CCNT2: variants seen among roughly 807,000 people sequenced by gnomAD.
The protein encoded by CCNT2 is cyclin-T2.
Under a neutral mutation model 70.0 loss-of-function variants are expected in CCNT2, and 18 were observed. That is an observed-to-expected ratio of 0.26 (90% confidence interval 0.18 to 0.38). The LOEUF (loss-of-function observed/expected upper bound fraction) is 0.38, where lower values mean the gene tolerates loss of function less well. CCNT2 is among the 10% of genes least tolerant of loss of function. The pLI is 1.00. For synonymous variants in CCNT2, 334 were observed against 313.3 expected (o/e 1.07, Z -0.70); for missense variants, 734 against 890.2 (o/e 0.82, Z 2.23).
chr2:134,953,793 A>G lies in CCNT2; in HGVS notation c.1338A>G (p.Glu446=), dbSNP rs1159023809. 2 of 1,614,010 alleles carry G rather than the reference A, an allele frequency of 1.2e-6. No homozygotes were observed. Among genetic ancestry groups the G allele is most frequent in the South Asian group, 1.1e-5 (1 of 91,076 alleles). Residue 446 remains glutamate, a synonymous_variant, in exon 9 of 9, where the codon GAA becomes GAG. Coordinates refer to ENST00000264157, the MANE Select transcript of CCNT2 (RefSeq NM_058241.3). The part of the protein sequence containing the change: ...LDKYREKRKL[E]TLDLDVRDHY... ...AATATAGAGAAAAGCGTAAACTAGAAACTCTTGATCTCGATGTAAGGGATC... is the reference window on the plus strand; with the variant it reads ...AATATAGAGAAAAGCGTAAACTAGAGACTCTTGATCTCGATGTAAGGGATC...
rs1162675099 is a variant in CCNT2, at chr2:134,957,662, C to T, written c.*3014C>T. The T allele has an allele frequency of 6.6e-6, 1 of 152,148 alleles. No homozygotes were observed. The highest frequency in any genetic ancestry group is 1.5e-5 in the Non-Finnish European group (1 of 68,030). 9.4% of individuals were successfully genotyped at this position (152,148 alleles called of 1,614,324 possible). ...GCGGCAGTATCCGGTAGTGGTAAAA[C>T]CTCACAGTTTCCTAATTGCAGGTAT... On this transcript the variant is annotated 3_prime_UTR_variant, in exon 9 of 9. Coordinates refer to ENST00000264157, the MANE Select transcript of CCNT2 (RefSeq NM_058241.3).
At chr2:134,948,055 C>T (rs1682127775) in intron 7 of CCNT2, among the ~76,000 whole-genome samples, 156 bp downstream of exon 7, 1 of 152,154 alleles carries the variant, frequency 6.6e-6, no homozygotes. Flanking sequence ...AAGCTGTGCT[C>T]ATACCTGTAA....
chr2:134,939,392 A>G lies in CCNT2; in HGVS notation c.430+330A>G, dbSNP rs1223024410. Among the ~76,000 whole-genome samples, 3 of 152,180 alleles carry G rather than the reference A, an allele frequency of 2.0e-5. No homozygotes were observed. In the East Asian group the frequency reaches 5.8e-4, roughly 29 times the overall value. On this transcript the variant is annotated intron_variant, in intron 4 of 8. Transcript: ENST00000264157. ...ATGATTATGATGTATACAAACCTAC[A>G]CAGCAATCCTTATTCTCCTCGAGCT...
intron 8 of CCNT2, chr2:134,952,958 A>C: frequency 4.2e-6 from 2 of 481,492 alleles, no homozygotes; most frequent in Middle Eastern, 5.4e-4. Flanking sequence ...ACAAATGGGG[A>C]AACTGAAGCC....
intron 2 of CCNT2, among the ~76,000 whole-genome samples, chr2:134,928,127 C>T (rs1387802107): frequency 6.6e-6 from 1 of 152,066 alleles, no homozygotes; most frequent in African/African-American, 2.4e-5. Context: ...TGTGCCACCA[C>T]ACCTGGCTAA....
chr2:134,955,134 A>G lies in CCNT2; in HGVS notation c.*486A>G, dbSNP rs992154233. Reference sequence around the variant, plus strand: ...AGAAAGTGGAGAAAAATGTACATACATTTTTGTATGTTTAGATATTACCGT... The same window carrying G: ...AGAAAGTGGAGAAAAATGTACATACGTTTTTGTATGTTTAGATATTACCGT... On this transcript the variant is annotated 3_prime_UTR_variant, in exon 9 of 9. Coordinates refer to ENST00000264157, the MANE Select transcript of CCNT2 (RefSeq NM_058241.3). The G allele has an allele frequency of 1.9e-5, 3 of 156,756 alleles. No homozygotes were observed. The highest frequency in any genetic ancestry group is 7.2e-5 in the African/African-American group (3 of 41,466). The allele number at this position is 156,756 out of a possible 1,614,324, so 9.7% of individuals were successfully genotyped here.
At chr2:134,943,180 C>T (rs543497367) in intron 5 of CCNT2, 6 of 773,824 alleles carry the variant, frequency 7.8e-6, no homozygotes, top group Middle Eastern at 6.6e-4. Context: ...GCAGGCTGAT[C>T]GCTTGAGCTC....
intron 4 of CCNT2, 82 bp from the exon 5 acceptor site, chr2:134,942,530 G>T: frequency 1.2e-6 from 1 of 802,112 alleles, no homozygotes; most frequent in South Asian, 2.3e-5. Context: ...TAATAATGAA[G>T]AATATATTAT....
At chr2:134,951,910 T>C (rs1682533334) in intron 7 of CCNT2, among the ~76,000 whole-genome samples, 1 of 152,234 alleles carries the variant, frequency 6.6e-6, no homozygotes, top group Non-Finnish European at 1.5e-5. Flanking sequence ...TCAAGTCTTC[T>C]CCAGTCTGTG....
chr2:134,935,541 A>C (rs1260768895), intron 2 of CCNT2, among the ~76,000 whole-genome samples: 2 of 152,240 alleles, frequency 1.3e-5, no homozygotes, highest in Non-Finnish European at 2.9e-5. Flanking sequence ...CGCCCCCTGC[A>C]AGACATAGTG....
At position 134,937,024 on chromosome 2, in the gene CCNT2, A is replaced by AT; in HGVS notation, c.369+56dup. ...TTTGTAAATTTGAAACTTTTTCATAATGTAGGCCTAACAAAAATACACAGT... is the reference window on the plus strand; with the variant it reads ...TTTGTAAATTTGAAACTTTTTCATAATTGTAGGCCTAACAAAAATACACAGT... On this transcript the variant is annotated intron_variant, in intron 3 of 8. Coordinates refer to ENST00000264157, the MANE Select transcript of CCNT2 (RefSeq NM_058241.3). 5.3e-6 allele frequency: 7 copies of AT among 1,324,730 alleles called. No individual in the cohort carries two copies. The South Asian group carries it at 9.0e-5, about 17-fold the overall frequency. 82.1% of individuals were successfully genotyped at this position (1,324,730 alleles called of 1,614,324 possible). A position where few individuals can be genotyped will look rare whatever the true frequency, so the allele number is the denominator to read the frequency against.
chr2:134,954,561 G>A lies in CCNT2; in HGVS notation c.2106G>A (p.Glu702=). Residue 702 remains glutamate (E), a synonymous_variant, in exon 9 of 9, where the codon GAG becomes GAA. Transcript: ENST00000264157. Reference sequence around the variant, plus strand: ...CCAACGGTCCTGATGCCAATCACGAGTACAGTACAAGCAGCCAGCATATGG... The same window carrying A: ...CCAACGGTCCTGATGCCAATCACGAATACAGTACAAGCAGCCAGCATATGG... The part of the protein sequence containing the change: ...VETNGPDANH[E]YSTSSQHMDY... The A allele has an allele frequency of 6.2e-7, 1 of 1,614,098 alleles. No individual in the cohort carries two copies. Among genetic ancestry groups the A allele is most frequent in the Non-Finnish European group, 8.5e-7 (1 of 1,179,964 alleles).
chr2:134,958,187 G>A lies in CCNT2; in HGVS notation c.*3539G>A, dbSNP rs1325624712. On this transcript the variant is annotated 3_prime_UTR_variant, in exon 9 of 9. Coordinates refer to ENST00000264157, the MANE Select transcript of CCNT2 (RefSeq NM_058241.3). ...GGTTTTGCATTTTCTATAGACATGG[G>A]GACTTTTTTAACATGGTAACGTCTT... is the stretch of plus-strand genomic sequence containing the variant. 1 of 152,054 alleles carries A rather than the reference G, an allele frequency of 6.6e-6. No individual in the cohort carries two copies. Among genetic ancestry groups the A allele is most frequent in the Non-Finnish European group, 1.5e-5 (1 of 68,006 alleles). 9.4% of individuals were successfully genotyped at this position (152,054 alleles called of 1,614,324 possible).
At chr2:134,947,630 A>T in intron 6 of CCNT2, 106 bp from the exon 7 acceptor site, 1 of 733,050 alleles carries the variant, frequency 1.4e-6, no homozygotes, top group Non-Finnish European at 2.0e-6. Context: ...CTCTAGACTT[A>T]AAGATAGAGT....
rs974934790 is a variant in CCNT2 at position 134,955,659 on chromosome 2, C to T, written c.*1011C>T. On this transcript the variant is annotated 3_prime_UTR_variant, in exon 9 of 9. Coordinates refer to ENST00000264157, the MANE Select transcript of CCNT2 (RefSeq NM_058241.3). ...TAATAGTAAACAGGGATCACTTTTC[C>T]TTTAGCATTCAGAATGACACCATAT... The T allele has an allele frequency of 1.3e-5, 2 of 152,482 alleles. No homozygotes were observed. The highest frequency in any genetic ancestry group is 1.3e-4 in the Admixed American group (2 of 15,258). The allele number at this position is 152,482 out of a possible 1,614,324, so 9.4% of individuals were successfully genotyped here. A position where few individuals can be genotyped will look rare whatever the true frequency, so the allele number is the denominator to read the frequency against.
chr2:134,956,360 T>A lies in CCNT2; in HGVS notation c.*1712T>A, dbSNP rs1682924390. The A allele has an allele frequency of 1.3e-5, 2 of 152,628 alleles. No individual in the cohort carries two copies. Among genetic ancestry groups the A allele is most frequent in the African/African-American group, 4.8e-5 (2 of 41,466 alleles). 9.5% of individuals were successfully genotyped at this position (152,628 alleles called of 1,614,324 possible). A position where few individuals can be genotyped will look rare whatever the true frequency, so the allele number is the denominator to read the frequency against. On this transcript the variant is annotated 3_prime_UTR_variant, in exon 9 of 9. Coordinates refer to ENST00000264157, the MANE Select transcript of CCNT2 (RefSeq NM_058241.3). Reference sequence around the variant, plus strand: ...TTTGAACTTGGGGTACTTAGGAGCCTCTTTGTAGGGACTGTGCCTAGGTAG... The same window carrying A: ...TTTGAACTTGGGGTACTTAGGAGCCACTTTGTAGGGACTGTGCCTAGGTAG...
Position 134,928,274 on chromosome 2 carries a change from C to CTTTT in CCNT2, c.240+8399_240+8402dup, listed in dbSNP as rs551173090. 3.3e-4 allele frequency among the ~76,000 whole-genome samples: 32 copies of CTTTT among 96,392 alleles called. 3 individuals carry two copies. Among genetic ancestry groups the CTTTT allele is most frequent in the East Asian group, 6.3e-4 (2 of 3,164 alleles). 63.2% of individuals were successfully genotyped at this position (96,392 alleles called of 152,430 possible). On this transcript the variant is annotated intron_variant, in intron 2 of 8. Coordinates refer to ENST00000264157, the MANE Select transcript of CCNT2 (RefSeq NM_058241.3). ...CCATGCCCGGCCTCACATTGTATTT[C>CTTTT]TTTTTTTTTTTTTTTTTTTCTGAGA...
chr2:134,930,734 A>G lies in CCNT2; in HGVS notation c.241-6107A>G, dbSNP rs142168819. On this transcript the variant is annotated intron_variant, in intron 2 of 8. Coordinates refer to ENST00000264157, the MANE Select transcript of CCNT2 (RefSeq NM_058241.3). ...AGTGTGAAATGATATCCCCTATTCT[A>G]TGCATTGTCATTTTTATGTTCTTGG... 2.0e-3 allele frequency among the ~76,000 whole-genome samples: 310 copies of G among 151,674 alleles called. 10 individuals are homozygous for G. In the East Asian group the frequency reaches 0.056, roughly 27 times the overall value.
chr2:134,953,536 G>A lies in CCNT2; in HGVS notation c.1081G>A (p.Glu361Lys). Residue 361 changes from glutamate to lysine, a missense_variant, in exon 9 of 9, where the codon GAA becomes AAA. Around this residue, in one of 3 missense-constraint regions of CCNT2, gnomAD observed 532 missense variants for 556.9 expected, o/e 0.96. Transcript: ENST00000264157. ...TCAACATCAAGACTCAGCAAGGACA[G>A]AACAGCTATATTCACAGAAACAGGA... ...WPQHQDSARTEQLYSQKQETS... is the reference protein window; with the variant it reads ...WPQHQDSARTKQLYSQKQETS... The A allele has an allele frequency of 6.2e-7, 1 of 1,614,186 alleles. No individual in the cohort carries two copies. Among genetic ancestry groups the A allele is most frequent in the Non-Finnish European group, 8.5e-7 (1 of 1,180,028 alleles).
Sources: allele counts gnomAD v4.1 joint callset (sites outside exome capture counted in the v4.1 genomes callset), GRCh38; gene constraint gnomAD v4.1.1; regional missense constraint gnomAD v4.1.1; transcripts MANE v1.5; gene names NCBI Gene and HGNC (gene_info 2026-07-23, HGNC 2026-07-21).